Variants in REDIC1 observed in about 807,000 individuals in gnomAD.
The protein encoded by REDIC1 is HEI10 Interacting Protein 1.
At chr12:39,713,253 C>CGTGTATATATGTGTATACACAT in the REDIC1 span, among the ~76,000 whole-genome samples, 35 of 131,424 alleles carry the variant, frequency 2.7e-4, 5 homozygotes, top group African/African-American at 7.2e-4. Context: ...TGTACACACA[C>CGTGTATATATGTGTATACACAT]ATACGTGTAT....
the REDIC1 span, chr12:39,819,925 A>G: frequency 1.3e-5 from 2 of 152,518 alleles, no homozygotes; most frequent in African/African-American, 2.4e-5. Context: ...TCAAATTTCA[A>G]TCCTATAAAA....
At chr12:39,727,944 ACTCT>A in the REDIC1 span, among the ~76,000 whole-genome samples, 3 of 151,506 alleles carry the variant, frequency 2.0e-5, no homozygotes, top group Non-Finnish European at 4.4e-5. Context: ...TCATGATTTG[ACTCT>A]CTGTTTGTCT....
At chr12:39,725,123 GA>G in the REDIC1 span, among the ~76,000 whole-genome samples, 1 of 152,078 alleles carries the variant, frequency 6.6e-6, no homozygotes, top group East Asian at 1.9e-4. Context: ...CCACTGAAGA[GA>G]AAAAGACTAC....
chr12:39,702,656 C>T, the REDIC1 span, among the ~76,000 whole-genome samples: 7 of 152,266 alleles, frequency 4.6e-5, no homozygotes, highest in South Asian at 1.2e-3. Context: ...GACCAATATC[C>T]TTGATGAACA....
At chr12:39,723,413 T>C in the REDIC1 span, among the ~76,000 whole-genome samples, 1 of 152,012 alleles carries the variant, frequency 6.6e-6, no homozygotes, top group Non-Finnish European at 1.5e-5. Flanking sequence ...TTTAAGGAGA[T>C]AAATATATTC....
chr12:39,798,661 C>T, the REDIC1 span, among the ~76,000 whole-genome samples: 4 of 152,186 alleles, frequency 2.6e-5, no homozygotes, highest in Admixed American at 6.5e-5. Flanking sequence ...CTGGAACAGC[C>T]CGGGCTAGTG....
chr12:39,862,254 G>C, the REDIC1 span, among the ~76,000 whole-genome samples: 1 of 152,130 alleles, frequency 6.6e-6, no homozygotes, highest in African/African-American at 2.4e-5. Context: ...CAAGTCATTA[G>C]GGAGCTCTAA....
chr12:39,865,249 G>GA, the REDIC1 span, among the ~76,000 whole-genome samples: 1 of 152,178 alleles, frequency 6.6e-6, no homozygotes, highest in Non-Finnish European at 1.5e-5. Flanking sequence ...CAAGAAGCAC[G>GA]AAAGACAATA....
the REDIC1 span, among the ~76,000 whole-genome samples, chr12:39,816,396 C>A: frequency 7.8e-6 from 1 of 127,704 alleles, no homozygotes; most frequent in South Asian, 2.4e-4. Flanking sequence ...CACTTGGACA[C>A]AGGAAGGGGA....
At chr12:39,894,532 T>G in the REDIC1 span, among the ~76,000 whole-genome samples, 12 of 152,366 alleles carry the variant, frequency 7.9e-5, no homozygotes, top group African/African-American at 2.9e-4. Context: ...CCTGCTGAAT[T>G]GATTTAGCTT....
chr12:39,895,631 T>TATGTATATGCGTGTATACGTACAC, the REDIC1 span, among the ~76,000 whole-genome samples: 2 of 141,440 alleles, frequency 1.4e-5, 1 homozygote, highest in African/African-American at 5.2e-5. Flanking sequence ...CGTACACACA[T>TATGTATATGCGTGTATACGTACAC]ATGTATATGC....
the REDIC1 span, among the ~76,000 whole-genome samples, chr12:39,888,469 C>T: frequency 6.6e-6 from 1 of 152,238 alleles, no homozygotes; most frequent in Admixed American, 6.5e-5. Flanking sequence ...AGGTAATCCA[C>T]CGTCCTCGGC....
At chr12:39,683,110 G>T in the REDIC1 span, 1 of 1,608,098 alleles carries the variant, frequency 6.2e-7, no homozygotes, top group South Asian at 1.1e-5. Flanking sequence ...TTTTGAGAAC[G>T]ATTACTACCC....
the REDIC1 span, among the ~76,000 whole-genome samples, chr12:39,855,544 T>A: frequency 6.6e-6 from 1 of 152,222 alleles, no homozygotes; most frequent in African/African-American, 2.4e-5. Context: ...TTCTCCCTCA[T>A]AGCTGTGAGC....
At chr12:39,801,649 T>C in the REDIC1 span, among the ~76,000 whole-genome samples, 1 of 152,252 alleles carries the variant, frequency 6.6e-6, no homozygotes, top group Non-Finnish European at 1.5e-5. Flanking sequence ...GTCAGCAGAC[T>C]TATTTTTCTT....
chr12:39,809,969 T>C, the REDIC1 span, among the ~76,000 whole-genome samples: 30 of 152,186 alleles, frequency 2.0e-4, no homozygotes, highest in African/African-American at 7.0e-4. Context: ...AATAAACATA[T>C]GTGTGAATGT....
At chr12:39,786,726 C>A in the REDIC1 span, among the ~76,000 whole-genome samples, 8 of 152,096 alleles carry the variant, frequency 5.3e-5, no homozygotes, top group African/African-American at 1.9e-4. Context: ...CTGGGCTCAG[C>A]CTTGGTGGGT....
the REDIC1 span, among the ~76,000 whole-genome samples, chr12:39,688,448 T>C: frequency 1.2e-3 from 176 of 152,304 alleles, no homozygotes; most frequent in Admixed American, 1.8e-3. Flanking sequence ...AAATTTCAAG[T>C]ACCTTGTTTC....
At chr12:39,643,173 A>G in the REDIC1 span, among the ~76,000 whole-genome samples, 4 of 151,754 alleles carry the variant, frequency 2.6e-5, no homozygotes, top group Non-Finnish European at 5.9e-5. Flanking sequence ...AACCTGAAAG[A>G]AAAAGAATGG....
Sources: allele counts gnomAD v4.1 joint callset (sites outside exome capture counted in the v4.1 genomes callset), GRCh38; gene constraint gnomAD v4.1.1; transcripts MANE v1.5; gene names NCBI Gene and HGNC (gene_info 2026-07-23, HGNC 2026-07-21).